The following PRSS23 variants were observed in gnomAD, a reference collection of about 807,000 sequenced individuals.
PRSS23 encodes the protein serine protease 23.
PRSS23 carries 25 observed loss-of-function variants against 34.7 expected under a neutral mutation model. That is an observed-to-expected ratio of 0.72 (90% CI 0.53 to 1.01). The LOEUF (loss-of-function observed/expected upper bound fraction) is 1.01, where lower values mean the gene tolerates loss of function less well. Ranked by LOEUF, PRSS23 falls within the 50% of genes least tolerant of loss-of-function variation. The probability of loss-of-function intolerance (pLI) is 0.00; values close to 1 mark genes in which losing one functional copy is unlikely to be tolerated. For synonymous variants in PRSS23, 176 were observed against 186.6 expected (o/e 0.94, Z 0.46); for missense variants, 445 against 475.6 (o/e 0.94, Z 0.60).
downstream of PRSS23, among the ~76,000 whole-genome samples, chr11:86,815,782 C>T (rs1948211482): frequency 6.6e-6 from 1 of 152,200 alleles, no homozygotes; most frequent in South Asian, 2.1e-4. Context: ...CATAGATCCT[C>T]TCCCACATCT....
At chr11:86,918,112 G>C (rs112191607) in intron 2 of PRSS23, among the ~76,000 whole-genome samples, 1 of 152,138 alleles carries the variant, frequency 6.6e-6, no homozygotes, top group Non-Finnish European at 1.5e-5. Context: ...ATGTTAAGAC[G>C]ACTCTTTTTG....
At chr11:86,899,344 C>T (rs1035501331) in intron 2 of PRSS23, among the ~76,000 whole-genome samples, 4 of 152,048 alleles carry the variant, frequency 2.6e-5, no homozygotes, top group Admixed American at 6.5e-5. Flanking sequence ...TATGGCAAAA[C>T]CCCATCTCTA....
chr11:86,793,772 A>T (rs537168332), intron 1 of PRSS23, among the ~76,000 whole-genome samples: 66 of 152,316 alleles, frequency 4.3e-4, no homozygotes, highest in African/African-American at 1.5e-3. Flanking sequence ...AAGCCTTTAC[A>T]AAGAGCTAGG....
At chr11:86,894,619 A>G (rs1948862855) in intron 2 of PRSS23, among the ~76,000 whole-genome samples, 1 of 152,104 alleles carries the variant, frequency 6.6e-6, no homozygotes, top group African/African-American at 2.4e-5. Flanking sequence ...ATGTCTGGCA[A>G]TGTAGGGAAG....
At chr11:86,939,426 A>ATATATATATATTTTTTTTTT in intron 2 of PRSS23, among the ~76,000 whole-genome samples, 7 of 94,066 alleles carry the variant, frequency 7.4e-5, no homozygotes, top group East Asian at 3.0e-4. Flanking sequence ...ATATATATAT[A>ATATATATATATTTTTTTTTT]TTTTTTAACA....
chr11:86,950,991 C>T (rs1285635419), intron 2 of PRSS23: 8 of 794,148 alleles, frequency 1.0e-5, no homozygotes, highest in African/African-American at 3.4e-5. Context: ...ATGCTGGGGT[C>T]GGGGTGGGAG....
chr11:86,886,498 C>T (rs967910339), intron 2 of PRSS23, among the ~76,000 whole-genome samples: 1 of 152,216 alleles, frequency 6.6e-6, no homozygotes, highest in Non-Finnish European at 1.5e-5. Flanking sequence ...CCCAAATCTG[C>T]TTCTTTTGCT....
intron 2 of PRSS23, among the ~76,000 whole-genome samples, chr11:86,924,399 G>C (rs10792882): frequency 0.58 from 88,865 of 152,006 alleles, 26,527 homozygotes; most frequent in Non-Finnish European, 0.65. Flanking sequence ...AATGATGAGG[G>C]CATGTTTGAC....
chr11:86,931,591 G>A lies in PRSS23; in HGVS notation c.207-19625G>A, dbSNP rs1434976090. Among the ~76,000 whole-genome samples, 8 of 152,208 alleles carry A rather than the reference G, an allele frequency of 5.3e-5. No homozygotes were observed. In the East Asian group the frequency reaches 1.5e-3, roughly 29 times the overall value. ...TGCCTAGAGGAAGGAGACATTGACT[G>A]GAAAGAAAAAAATGAAGGATTATTC... On this transcript the variant is annotated intron_variant, in intron 2 of 2. Coordinates refer to the PRSS23 transcript ENST00000533902.
chr11:86,950,612 G>A (rs191251578), intron 2 of PRSS23: 6 of 181,576 alleles, frequency 3.3e-5, no homozygotes, highest in South Asian at 2.4e-4. Context: ...AGCAGACAGC[G>A]CACCACAGAA....
At chr11:86,852,378 T>A (rs1317210410) in intron 2 of PRSS23, among the ~76,000 whole-genome samples, 1 of 152,160 alleles carries the variant, frequency 6.6e-6, no homozygotes, top group Non-Finnish European at 1.5e-5. Flanking sequence ...CCCCAACTTC[T>A]AAGGATTTCC....
At chr11:86,793,753 A>G (rs568075842) in intron 1 of PRSS23, among the ~76,000 whole-genome samples, 3 of 152,322 alleles carry the variant, frequency 2.0e-5, no homozygotes, top group East Asian at 3.9e-4. Flanking sequence ...TATTAAATTA[A>G]CATTAAATAA....
intron 2 of PRSS23, among the ~76,000 whole-genome samples, chr11:86,883,202 A>T (rs939703224): frequency 6.6e-6 from 1 of 152,218 alleles, no homozygotes. Context: ...AGGCAATCCT[A>T]AGCAAAAAGC....
chr11:86,800,459 C>A, upstream of PRSS23: 1 of 983,718 alleles, frequency 1.0e-6, no homozygotes, highest in Middle Eastern at 5.2e-4. Flanking sequence ...GCGGCTTCCC[C>A]GAGGCCGGAG....
In PRSS23 at chr11:86,808,254, G is replaced by A. The variant is rs149896148; in HGVS notation, c.611G>A (p.Arg204Gln). 3.4e-4 allele frequency: 553 copies of A among 1,614,102 alleles called. 1 individual carries two copies. The highest frequency in any genetic ancestry group is 2.3e-3 in the Admixed American group (140 of 60,024). ...FLKPKFKDGGRGANDSTSAMP... is the reference protein window; with the variant it reads ...FLKPKFKDGGQGANDSTSAMP... Reference sequence around the variant, plus strand: ...AAGCCCAAGTTTAAAGATGGTGGTCGAGGGGCCAACGACTCCACTTCAGCC... The same window carrying A: ...AAGCCCAAGTTTAAAGATGGTGGTCAAGGGGCCAACGACTCCACTTCAGCC... Residue 204 changes from arginine (R) to glutamine (Q), a missense_variant, in exon 2 of 2, where the codon CGA (arginine) becomes CAA (glutamine). Transcript: ENST00000280258.
intron 2 of PRSS23, chr11:86,951,125 A>T (rs373872905): frequency 3.7e-6 from 6 of 1,612,910 alleles, no homozygotes; most frequent in Non-Finnish European, 5.1e-6. Context: ...TGAAGAAAGC[A>T]TGGAGGCTGA....
chr11:86,858,136 G>T (rs1173118418), intron 2 of PRSS23, among the ~76,000 whole-genome samples: 2 of 152,014 alleles, frequency 1.3e-5, no homozygotes, highest in Non-Finnish European at 2.9e-5. Flanking sequence ...CTGTGATATT[G>T]TTCCTAATAT....
intron 2 of PRSS23, among the ~76,000 whole-genome samples, chr11:86,882,345 C>G (rs1948776994): frequency 6.6e-6 from 1 of 152,100 alleles, no homozygotes; most frequent in Non-Finnish European, 1.5e-5. Flanking sequence ...TTTCCTGATC[C>G]TCTCCCTCCT....
chr11:86,922,943 G>A (rs1441532832), intron 2 of PRSS23, among the ~76,000 whole-genome samples: 1 of 152,144 alleles, frequency 6.6e-6, no homozygotes, highest in Non-Finnish European at 1.5e-5. Context: ...TGGTTAGTCT[G>A]AATTGATTGT....
Sources: gnomAD v4.1 joint callset for allele counts (sites outside exome capture counted in the v4.1 genomes callset) on GRCh38, gnomAD v4.1.1 for gene constraint, MANE v1.5 for transcripts, NCBI Gene and HGNC (gene_info 2026-07-23, HGNC 2026-07-21) for gene names.